FNDC3B: variants seen among roughly 807,000 people sequenced by gnomAD.
The protein encoded by FNDC3B is fibronectin type III domain-containing protein 3B.
Under a neutral mutation model 151.5 loss-of-function variants are expected in FNDC3B, and 12 were observed. The observed-to-expected ratio is 0.08, with a 90% CI of 0.05 to 0.13. The LOEUF is 0.13. Ranked by LOEUF, FNDC3B falls within the 10% of genes least tolerant of loss-of-function variation. The probability of loss-of-function intolerance (pLI) is 1.00; values close to 1 mark genes in which losing one functional copy is unlikely to be tolerated. For synonymous variants in FNDC3B, 528 were observed against 549.0 expected (o/e 0.96, Z 0.54); for missense variants, 1,214 against 1,505.3 (o/e 0.81, Z 3.20).
intron 3 of FNDC3B, among the ~76,000 whole-genome samples, chr3:172,177,637 T>C (rs1723671518): frequency 6.7e-6 from 1 of 148,334 alleles, no homozygotes; most frequent in African/African-American, 2.5e-5. Flanking sequence ...TTTTTTTTTT[T>C]TTTTTTTTTT....
intron 1 of FNDC3B, among the ~76,000 whole-genome samples, chr3:172,055,069 C>G (rs534516408): frequency 6.6e-6 from 1 of 152,222 alleles, no homozygotes; most frequent in South Asian, 2.1e-4. Context: ...CCACCATCAC[C>G]AAAATTTGCT....
At chr3:172,308,343 T>G (rs765612603) in intron 10 of FNDC3B, among the ~76,000 whole-genome samples, 21 of 152,218 alleles carry the variant, frequency 1.4e-4, no homozygotes, top group Non-Finnish European at 1.9e-4. Context: ...AACAGTAGAT[T>G]GTTATCAATC....
chr3:172,087,482 A>C (rs556004326), intron 1 of FNDC3B, among the ~76,000 whole-genome samples: 1 of 152,318 alleles, frequency 6.6e-6, no homozygotes, highest in African/African-American at 2.4e-5. Context: ...ACTTGGTTAG[A>C]TTTCCTTTGT....
intron 1 of FNDC3B, among the ~76,000 whole-genome samples, chr3:172,105,153 ACTGT>A (rs1242107806): frequency 2.0e-5 from 3 of 152,114 alleles, no homozygotes; most frequent in Non-Finnish European, 4.4e-5. Flanking sequence ...CATTTAGGAA[ACTGT>A]CTGTCCTTGT....
At chr3:172,153,611 C>T (rs905286644) in intron 3 of FNDC3B, among the ~76,000 whole-genome samples, 1 of 152,176 alleles carries the variant, frequency 6.6e-6, no homozygotes, top group African/African-American at 2.4e-5. Context: ...TTCAGGTTTC[C>T]TGGTAGATAT....
At chr3:172,308,771 G>GT (rs2108247283) in intron 10 of FNDC3B, among the ~76,000 whole-genome samples, 1 of 152,244 alleles carries the variant, frequency 6.6e-6, no homozygotes, top group Non-Finnish European at 1.5e-5. Context: ...CCTTTTCAGA[G>GT]TTTTAACACC....
chr3:172,045,322 A>C lies in FNDC3B; in HGVS notation c.-29+5551A>C, dbSNP rs564922576. Among the ~76,000 whole-genome samples the C allele has an allele frequency of 2.0e-5, 3 of 152,274 alleles. No individual in the cohort carries two copies. In the East Asian group the frequency reaches 5.8e-4, roughly 29 times the overall value. ...ACCTCTGCAAAGTTGTACTATACAT[A>C]AGTTGTCCCATATCTGTGTTTTTGG... On this transcript the variant is annotated intron_variant, in intron 1 of 25. Transcript: ENST00000415807.
At chr3:172,337,601 C>A (rs1338534133) in intron 16 of FNDC3B, 200 bp downstream of exon 16, 1 of 482,376 alleles carries the variant, frequency 2.1e-6, no homozygotes, top group African/African-American at 2.0e-5. Context: ...TTGAAACTTA[C>A]ATTTGTGTTA....
At position 172,387,819 on chromosome 3, in the gene FNDC3B, G is replaced by C. The variant is rs533975830; in HGVS notation, c.3303+6726G>C. ...ACTCTAAGAGTTTATAGGCCCATTG[G>C]ATGAAAACCCCCAGGAAGCAGTTCA... is the stretch of plus-strand genomic sequence containing the variant. On this transcript the variant is annotated intron_variant, in intron 25 of 25. Transcript: ENST00000415807. 2.3e-3 allele frequency among the ~76,000 whole-genome samples: 353 copies of C among 152,294 alleles called. 18 individuals carry two copies. The South Asian group carries it at 0.07, about 30-fold the overall frequency.
intron 3 of FNDC3B, among the ~76,000 whole-genome samples, chr3:172,217,365 T>C (rs1006390922): frequency 4.6e-5 from 7 of 152,230 alleles, no homozygotes; most frequent in Admixed American, 4.6e-4. Context: ...GTGAATGGAT[T>C]CACCAACTTT....
intron 11 of FNDC3B, chr3:172,317,083 C>T: frequency 2.6e-5 from 11 of 421,646 alleles, no homozygotes; most frequent in South Asian, 1.9e-4. Context: ...AATGGCAATG[C>T]ATTTGTGAGG....
At chr3:172,148,748 A>T (rs183448397) in intron 3 of FNDC3B, among the ~76,000 whole-genome samples, 13 of 152,314 alleles carry the variant, frequency 8.5e-5, no homozygotes, top group Non-Finnish European at 1.3e-4. Flanking sequence ...CAGTTACAGC[A>T]CTGAGGAGTT....
intron 1 of FNDC3B, among the ~76,000 whole-genome samples, chr3:172,069,585 T>C (rs1203840296): frequency 6.6e-6 from 1 of 152,178 alleles, no homozygotes; most frequent in Non-Finnish European, 1.5e-5. Context: ...GTCTTACTGG[T>C]TTGCCTTAGT....
intron 11 of FNDC3B, among the ~76,000 whole-genome samples, chr3:172,312,323 G>A (rs1388754755): frequency 6.6e-6 from 1 of 152,296 alleles, no homozygotes; most frequent in African/African-American, 2.4e-5. Flanking sequence ...TAAAATCTCA[G>A]CCTTAACCCG....
intron 25 of FNDC3B, among the ~76,000 whole-genome samples, chr3:172,393,535 A>G (rs990190126): frequency 6.6e-6 from 1 of 152,236 alleles, no homozygotes; most frequent in African/African-American, 2.4e-5. Flanking sequence ...CAGCAACTGT[A>G]TACACATCCT....
At chr3:172,245,095 G>A (rs1186472087) in intron 4 of FNDC3B, among the ~76,000 whole-genome samples, 3 of 151,992 alleles carry the variant, frequency 2.0e-5, no homozygotes, top group African/African-American at 7.3e-5. Flanking sequence ...ATTTTTATAT[G>A]TACAGGCAAT....
intron 1 of FNDC3B, among the ~76,000 whole-genome samples, chr3:172,108,788 T>G (rs1023386798): frequency 6.6e-6 from 1 of 152,258 alleles, no homozygotes; most frequent in African/African-American, 2.4e-5. Context: ...AAGATACTAC[T>G]GTGAACGCTA....
At chr3:172,101,365 C>A (rs1719371724) in intron 1 of FNDC3B, among the ~76,000 whole-genome samples, 1 of 152,186 alleles carries the variant, frequency 6.6e-6, no homozygotes, top group African/African-American at 2.4e-5. Context: ...TTTTAGTTAA[C>A]TGAGTATAAC....
At chr3:172,136,813 G>A (rs1350115372) in intron 3 of FNDC3B, among the ~76,000 whole-genome samples, 2 of 152,164 alleles carry the variant, frequency 1.3e-5, no homozygotes, top group African/African-American at 4.8e-5. Flanking sequence ...ACCGCCTCCC[G>A]GGTTCAAGCG....
Sources: allele counts gnomAD v4.1 joint callset (sites outside exome capture counted in the v4.1 genomes callset), GRCh38; gene constraint gnomAD v4.1.1; transcripts MANE v1.5; gene names NCBI Gene and HGNC (gene_info 2026-07-23, HGNC 2026-07-21).